Variants in MNAT1 observed in about 807,000 individuals in gnomAD.
MNAT1 encodes the protein MNAT1 component of CDK activating kinase.
A neutral mutation model predicts 42.0 loss-of-function variants in MNAT1; 43 were observed. The observed-to-expected ratio is 1.02, with a 90% CI of 0.80 to 1.32. The LOEUF is 1.32. Ranked by LOEUF, MNAT1 falls within the 40% of genes most tolerant of loss-of-function variation. The pLI, the probability that MNAT1 is intolerant of heterozygous loss-of-function variation, is 0.00. For missense variants in MNAT1, 306 were observed against 350.4 expected, an observed-to-expected ratio of 0.87 and a Z score of 1.01; for synonymous variants, 118 against 120.0, an observed-to-expected ratio of 0.98 and a Z score of 0.11.
At chr14:60,741,658 GT>G (rs3049888) in intron 1 of MNAT1, among the ~76,000 whole-genome samples, 11 of 92,022 alleles carry the variant, frequency 1.2e-4, no homozygotes, top group Admixed American at 4.7e-4. Flanking sequence ...TGCGCCTGGG[GT>G]TTTTTTTTTT....
chr14:60,778,027 G>T (rs149292852), intron 1 of MNAT1, among the ~76,000 whole-genome samples: 1 of 152,152 alleles, frequency 6.6e-6, no homozygotes, highest in Non-Finnish European at 1.5e-5. Context: ...TCTGTGCTGG[G>T]TCTAACTTGG....
At chr14:60,823,686 C>T (rs1391839656) in intron 6 of MNAT1, among the ~76,000 whole-genome samples, 1 of 151,380 alleles carries the variant, frequency 6.6e-6, no homozygotes, top group African/African-American at 2.4e-5. Context: ...TGGCAAAACC[C>T]CATCTCTACT....
At position 60,808,448 on chromosome 14, in the gene MNAT1, C is replaced by A; in HGVS notation, c.420+20C>A. 7.2e-7 allele frequency: 1 copy of A among 1,389,630 alleles called. No individual in the cohort carries two copies. Among genetic ancestry groups the A allele is most frequent in the Non-Finnish European group, 9.9e-7 (1 of 1,012,312 alleles). The allele number at this position is 1,389,630 out of a possible 1,614,324, so 86.1% of individuals were successfully genotyped here. The stretch of plus-strand genomic sequence containing the variant: ...AAGCTGGTCGGTTGCTAAGTATTTT[C>A]TTCTTATTTTGTCTTAGAAACAAAT... On this transcript the variant is annotated intron_variant, in intron 4 of 7. Transcript: ENST00000261245.
At chr14:60,835,233 G>T (rs771466769) in intron 6 of MNAT1, among the ~76,000 whole-genome samples, 2 of 152,038 alleles carry the variant, frequency 1.3e-5, no homozygotes, top group Non-Finnish European at 1.5e-5. Flanking sequence ...TTTAATTGGG[G>T]CATTTAGCCT....
At chr14:60,872,824 T>TCA (rs1238803348) in intron 6 of MNAT1, among the ~76,000 whole-genome samples, 18 of 146,050 alleles carry the variant, frequency 1.2e-4, no homozygotes, top group Middle Eastern at 3.5e-3. Context: ...TGGTATTACA[T>TCA]CACACACACA....
intron 1 of MNAT1, among the ~76,000 whole-genome samples, chr14:60,755,754 G>C (rs2030323024): frequency 6.6e-6 from 1 of 152,154 alleles, no homozygotes; most frequent in Non-Finnish European, 1.5e-5. Flanking sequence ...TGAAGTAATT[G>C]GCTCTTGTTT....
intron 6 of MNAT1, among the ~76,000 whole-genome samples, chr14:60,857,784 C>T (rs916625558): frequency 5.4e-5 from 8 of 147,140 alleles, no homozygotes; most frequent in African/African-American, 2.0e-4. Context: ...TCCATGTGTT[C>T]GCATTGTTCA....
At chr14:60,791,276 G>A (rs1283853593) in intron 1 of MNAT1, among the ~76,000 whole-genome samples, 1 of 151,974 alleles carries the variant, frequency 6.6e-6, no homozygotes, top group East Asian at 1.9e-4. Flanking sequence ...TGAAAAAATG[G>A]GTAAACATGC....
At chr14:60,963,213 C>T (rs2139623715) in intron 7 of MNAT1, among the ~76,000 whole-genome samples, 1 of 152,238 alleles carries the variant, frequency 6.6e-6, no homozygotes, top group Admixed American at 6.5e-5. Context: ...AACTCCTGAC[C>T]TCGTGATCTG....
intron 6 of MNAT1, among the ~76,000 whole-genome samples, chr14:60,836,616 G>A (rs565109359): frequency 1.8e-4 from 28 of 152,232 alleles, no homozygotes; most frequent in African/African-American, 6.0e-4. Context: ...TGGAAGCTTC[G>A]TCCCAGAGGG....
chr14:60,898,420 A>C (rs920668543), intron 7 of MNAT1, among the ~76,000 whole-genome samples: 6 of 152,042 alleles, frequency 3.9e-5, no homozygotes, highest in African/African-American at 1.4e-4. Context: ...CCTTACCAGC[A>C]TGTGTAATTT....
Position 60,968,482 on chromosome 14 carries a change from G to C in MNAT1, c.*133G>C. On this transcript the variant is annotated 3_prime_UTR_variant, in exon 8 of 8. Coordinates refer to ENST00000261245, the MANE Select transcript of MNAT1 (RefSeq NM_002431.4). The stretch of plus-strand genomic sequence containing the variant: ...GCAGCTGTGTTAAAGTATTTATAAG[G>C]AGAAAATTTCAGAACTAAGTTGAGT... 6.6e-7 allele frequency: 1 copy of C among 1,507,954 alleles called. No individual in the cohort carries two copies. Among genetic ancestry groups the C allele is most frequent in the Admixed American group, 2.2e-5 (1 of 45,586 alleles). The allele number at this position is 1,507,954 out of a possible 1,614,324, so 93.4% of individuals were successfully genotyped here.
intron 7 of MNAT1, among the ~76,000 whole-genome samples, chr14:60,908,173 AATAG>A (rs2035255061): frequency 6.6e-6 from 1 of 152,178 alleles, no homozygotes; most frequent in African/African-American, 2.4e-5. Flanking sequence ...TTAAAAAATT[AATAG>A]ATATTTTAGT....
At chr14:60,758,464 A>G (rs2030457560) in intron 1 of MNAT1, among the ~76,000 whole-genome samples, 1 of 151,722 alleles carries the variant, frequency 6.6e-6, no homozygotes. Context: ...CAGCCTCCCA[A>G]AGTGCTGGGA....
intron 7 of MNAT1, among the ~76,000 whole-genome samples, chr14:60,937,405 A>G (rs1353537565): frequency 6.6e-6 from 1 of 152,174 alleles, no homozygotes; most frequent in African/African-American, 2.4e-5. Context: ...ATTTTAGTAT[A>G]AGGTGTAAGG....
intron 1 of MNAT1, among the ~76,000 whole-genome samples, chr14:60,757,719 T>C (rs1427382228): frequency 6.6e-6 from 1 of 152,218 alleles, no homozygotes; most frequent in East Asian, 1.9e-4. Context: ...CTTTCTGTCC[T>C]TAACTAGAAC....
chr14:60,880,888 A>G (rs1039995376), intron 7 of MNAT1, among the ~76,000 whole-genome samples: 3 of 152,190 alleles, frequency 2.0e-5, no homozygotes, highest in Non-Finnish European at 2.9e-5. Context: ...TTATTAAACA[A>G]TTGTCTTAAA....
At chr14:60,790,553 A>G (rs762278332) in intron 1 of MNAT1, among the ~76,000 whole-genome samples, 23 of 152,170 alleles carry the variant, frequency 1.5e-4, no homozygotes, top group Non-Finnish European at 2.6e-4. Flanking sequence ...CATCTTACAC[A>G]TATTGATTAT....
chr14:60,780,161 A>G (rs2031406086), intron 1 of MNAT1: 3 of 1,519,226 alleles, frequency 2.0e-6, no homozygotes, highest in South Asian at 1.1e-5. Flanking sequence ...TCTTGAGCTC[A>G]TAAAATACCT....
Sources: gnomAD v4.1 joint callset for allele counts (sites outside exome capture counted in the v4.1 genomes callset) on GRCh38, gnomAD v4.1.1 for gene constraint, MANE v1.5 for transcripts, NCBI Gene and HGNC (gene_info 2026-07-23, HGNC 2026-07-21) for gene names.